The following TBCD variants were observed in gnomAD, a reference collection of about 807,000 sequenced individuals.
TBCD encodes the protein tubulin folding cofactor D, also known as tubulin-specific chaperone D.
Under a neutral mutation model 169.3 loss-of-function variants are expected in TBCD, and 105 were observed. The observed-to-expected ratio is 0.62, with a 90% CI of 0.53 to 0.73. TBCD has a LOEUF of 0.73. TBCD is among the 30% of genes least tolerant of loss of function. The probability of loss-of-function intolerance (pLI) is 0.00; values close to 1 mark genes in which losing one functional copy is unlikely to be tolerated. For synonymous variants in TBCD, 700 were observed against 643.9 expected, an observed-to-expected ratio of 1.09 and a Z score of -1.32; for missense variants, 1,444 against 1,600.1, an observed-to-expected ratio of 0.90 and a Z score of 1.66.
chr17:82,906,041 C>A lies in TBCD; in HGVS notation c.1910C>A (p.Ala637Asp). 1 of 1,606,818 alleles carries A rather than the reference C, an allele frequency of 6.2e-7. No individual in the cohort carries two copies. The highest frequency in any genetic ancestry group is 1.1e-5 in the South Asian group (1 of 89,490). The change falls in exon 20 of 39, where the codon GCC becomes GAC. Residue 637 changes from alanine to aspartate, a missense_variant. Transcript: ENST00000355528. ...GCTTACGCCTTGTACAAACTTGCAG[C>A]CCAAGAGAACAGGTAGGAAGAGTGG... Reference protein sequence around the residue: ...EVAYALYKLAAQENRPVTDHL... With the variant: ...EVAYALYKLADQENRPVTDHL...
At chr17:82,824,581 C>T (rs947831125) in intron 13 of TBCD, among the ~76,000 whole-genome samples, 2 of 152,160 alleles carry the variant, frequency 1.3e-5, no homozygotes, top group Non-Finnish European at 2.9e-5. Flanking sequence ...CAGCTTCCAA[C>T]TCCTGGGCTT....
At chr17:82,928,073 C>T in intron 30 of TBCD, 85 bp downstream of exon 30, 1 of 1,272,530 alleles carries the variant, frequency 7.9e-7, no homozygotes, top group Non-Finnish European at 1.1e-6. Flanking sequence ...TCCTGGTGCT[C>T]AGTGGCATTT....
rs1367910108 is a variant in TBCD at position 82,806,319 on chromosome 17, G to A, written c.1087+308G>A. On this transcript the variant is annotated intron_variant, in intron 10 of 38. Transcript: ENST00000355528. This position sits in a 1 kb window ranked among gnomAD's most constrained non-coding sequence, Gnocchi z 5.1. ...GGAAACAGTTCTCCCAGGAAATTGA[G>A]TTGGGGTCCCTGGGGCTCAGGTCTC... Among the ~76,000 whole-genome samples the A allele has an allele frequency of 6.6e-6, 1 of 152,150 alleles. No individual in the cohort carries two copies. The highest frequency in any genetic ancestry group is 2.4e-5 in the African/African-American group (1 of 41,428).
rs1320299 is a variant in TBCD, at chr17:82,782,265, G to A, written c.771+544G>A. Among the ~76,000 whole-genome samples, 1,239 of 152,296 alleles carry A rather than the reference G, an allele frequency of 8.1e-3. 13 individuals carry two copies. Among genetic ancestry groups the A allele is most frequent in the African/African-American group, 0.028 (1,143 of 41,558 alleles). On this transcript the variant is annotated intron_variant, in intron 7 of 38. Coordinates refer to ENST00000355528, the MANE Select transcript of TBCD (RefSeq NM_005993.5). This position sits in a 1 kb window ranked among gnomAD's most constrained non-coding sequence, Gnocchi z 5.1. ...TGTTACCTTTTCTTGTGCTAACGAG[G>A]AGGAAAGGTCAAGTCTCAGAAGAGG...
In TBCD at chr17:82,884,144, G is replaced by T; in HGVS notation, c.1476-1G>T. On this transcript the variant is annotated splice_acceptor_variant, in intron 14 of 38. Coordinates refer to ENST00000355528, the MANE Select transcript of TBCD (RefSeq NM_005993.5). LOFTEE classifies it high-confidence loss of function. The surrounding 1 kb of genome is among the most constrained non-coding windows in gnomAD (Gnocchi z 4.2). Reference sequence around the variant, plus strand: ...TAATTAATCCTTTCTCTTTTTCACAGTGCACTGGTGATTGCTGCGGTGTTT... The same window carrying T: ...TAATTAATCCTTTCTCTTTTTCACATTGCACTGGTGATTGCTGCGGTGTTT... 6.2e-7 allele frequency: 1 copy of T among 1,608,032 alleles called. No individual in the cohort carries two copies. The highest frequency in any genetic ancestry group is 8.5e-7 in the Non-Finnish European group (1 of 1,176,836).
At position 82,929,281 on chromosome 17, in the gene TBCD, G is replaced by T. The variant is rs564445548; in HGVS notation, c.2852+10G>T. ...AAAAGCTGTTTCCCAGGTACTGTCGGGGTGTAGGCCCCCCGTGCTGGCCCC... is the reference window on the plus strand; with the variant it reads ...AAAAGCTGTTTCCCAGGTACTGTCGTGGTGTAGGCCCCCCGTGCTGGCCCC... On this transcript the variant is annotated intron_variant, in intron 31 of 38. Transcript: ENST00000355528. 55 of 1,612,900 alleles carry T rather than the reference G, an allele frequency of 3.4e-5. No individual in the cohort carries two copies. In the South Asian group the frequency reaches 5.8e-4, roughly 17 times the overall value.
rs535005156 is a variant in TBCD at position 82,872,989 on chromosome 17, C to T, written c.1475+2609C>T. On this transcript the variant is annotated intron_variant, in intron 14 of 38. Coordinates refer to ENST00000355528, the MANE Select transcript of TBCD (RefSeq NM_005993.5). ...GGCTTCTGAGCCAGGCCCGGCACCTCGTGGCCGACGGCTTCTGAGCCAGGC... is the reference window on the plus strand; with the variant it reads ...GGCTTCTGAGCCAGGCCCGGCACCTTGTGGCCGACGGCTTCTGAGCCAGGC... Among the ~76,000 whole-genome samples the T allele has an allele frequency of 7.7e-3, 1,127 of 145,944 alleles. 19 individuals carry two copies. The highest frequency in any genetic ancestry group is 0.03 in the African/African-American group (1,073 of 36,044).
rs139793395 is a variant in TBCD, at chr17:82,819,334, G to A, written c.1318+4400G>A. Among the ~76,000 whole-genome samples the A allele has an allele frequency of 6.6e-5, 10 of 152,266 alleles. No homozygotes were observed. The East Asian group carries it at 1.7e-3, about 26-fold the overall frequency. ...CTGCTGGACTCAGGAAAAAAGCATCGCATTTTCTTTGGGTTACTTTTTAGG... is the reference window on the plus strand; with the variant it reads ...CTGCTGGACTCAGGAAAAAAGCATCACATTTTCTTTGGGTTACTTTTTAGG... On this transcript the variant is annotated intron_variant, in intron 13 of 38. Coordinates refer to ENST00000355528, the MANE Select transcript of TBCD (RefSeq NM_005993.5).
intron 12 of TBCD, among the ~76,000 whole-genome samples, chr17:82,813,212 G>A (rs1266281853): frequency 1.3e-5 from 2 of 152,036 alleles, no homozygotes; most frequent in East Asian, 3.9e-4. Flanking sequence ...CATTAGTGCT[G>A]TTCCCCTTGC....
At chr17:82,893,451 T>TG in intron 16 of TBCD, 96 bp from the exon 17 acceptor site, 1 of 984,942 alleles carries the variant, frequency 1.0e-6, no homozygotes, top group Non-Finnish European at 1.5e-6. Context: ...TCGGGGTTCA[T>TG]GAGTGTAAAT....
chr17:82,761,917 C>T (rs747148873), intron 2 of TBCD, among the ~76,000 whole-genome samples: 4 of 150,936 alleles, frequency 2.7e-5, no homozygotes, highest in East Asian at 2.0e-4. Context: ...TTAGTAGAGA[C>T]GGGGTTTCAC....
In TBCD at chr17:82,920,095, A is replaced by T. The variant is rs2061326479; in HGVS notation, c.2039-461A>T. 6.6e-6 allele frequency among the ~76,000 whole-genome samples: 1 copy of T among 152,132 alleles called. No individual in the cohort carries two copies. The highest frequency in any genetic ancestry group is 2.4e-5 in the African/African-American group (1 of 41,422). ...GCTGGTCAGGGCCACGTTTCTGGTC[A>T]TGGAGAGTGTGAGTGACGAGCTATG... On this transcript the variant is annotated intron_variant, in intron 23 of 38. Transcript: ENST00000355528. This position sits in a 1 kb window ranked among gnomAD's most constrained non-coding sequence, Gnocchi z 4.1.
chr17:82,936,729 C>A (rs2062664685), intron 34 of TBCD, among the ~76,000 whole-genome samples: 1 of 152,188 alleles, frequency 6.6e-6, no homozygotes, highest in Admixed American at 6.5e-5. Context: ...AGGTGCGCAC[C>A]TTCTCCTCCC....
Position 82,781,586 on chromosome 17 carries a change from C to T in TBCD, c.639-3C>T. 1.9e-6 allele frequency: 3 copies of T among 1,613,450 alleles called. No homozygotes were observed. The Admixed American group carries it at 5.0e-5, about 27-fold the overall frequency. On this transcript the variant is annotated splice_region_variant and splice_polypyrimidine_tract_variant and intron_variant, in intron 6 of 38. Coordinates refer to ENST00000355528, the MANE Select transcript of TBCD (RefSeq NM_005993.5). The stretch of plus-strand genomic sequence containing the variant: ...CCTTGGTTGAGCTGTATCCTTTTGG[C>T]AGATTTATCACACGTCCTGATGTCA...
At chr17:82,770,520 A>G (rs1014401178) in intron 5 of TBCD, among the ~76,000 whole-genome samples, 3 of 150,382 alleles carry the variant, frequency 2.0e-5, no homozygotes, top group African/African-American at 7.4e-5. Flanking sequence ...AATCGCTTGA[A>G]CCTGGGAGGC....
In TBCD at chr17:82,797,773, A is replaced by G; in HGVS notation, c.788A>G (p.His263Arg). ...TLQALAQIFKHGKREDCLPYA... is the reference protein window; with the variant it reads ...TLQALAQIFKRGKREDCLPYA... ...TTTTTTTAGGCACAAATATTTAAAC[A>G]TGGAAAACGTGAAGACTGTTTGCCC... The change falls in exon 8 of 39, where the codon CAT (histidine) becomes CGT (arginine). Residue 263 changes from histidine to arginine, a missense_variant. By Grantham distance (29) the His-to-Arg change is conservative. Coordinates refer to ENST00000355528, the MANE Select transcript of TBCD (RefSeq NM_005993.5). The G allele has an allele frequency of 6.3e-7, 1 of 1,576,168 alleles. No individual in the cohort carries two copies. The highest frequency in any genetic ancestry group is 2.2e-5 in the East Asian group (1 of 44,600).
intron 1 of TBCD, among the ~76,000 whole-genome samples, chr17:82,754,415 T>C (rs1027588486): frequency 6.6e-6 from 1 of 152,158 alleles, no homozygotes; most frequent in Non-Finnish European, 1.5e-5. Context: ...TGAAAAGATA[T>C]CTTTAAAGGC....
At chr17:82,868,363 G>A (rs946654038) in intron 13 of TBCD, among the ~76,000 whole-genome samples, 4 of 152,298 alleles carry the variant, frequency 2.6e-5, no homozygotes, top group African/African-American at 9.6e-5. Flanking sequence ...AGACCTTGGT[G>A]TCTGGCAGGG....
chr17:82,860,577 A>G, intron 13 of TBCD: 6 of 423,680 alleles, frequency 1.4e-5, no homozygotes, highest in Non-Finnish European at 1.9e-5. Flanking sequence ...AGGGCTGGCC[A>G]CACTGGAATC....
Sources: allele counts gnomAD v4.1 joint callset (sites outside exome capture counted in the v4.1 genomes callset), GRCh38; gene constraint gnomAD v4.1.1; non-coding constraint Gnocchi (gnomAD v3.1); transcripts MANE v1.5; gene names NCBI Gene and HGNC (gene_info 2026-07-23, HGNC 2026-07-21).